Variants in HLA-DQA1 observed in about 807,000 individuals in gnomAD.
HLA-DQA1 encodes HLA class II histocompatibility antigen, DQ alpha 1 chain.
HLA-DQA1 carries 10 observed loss-of-function variants against 20.7 expected under a neutral mutation model. The observed-to-expected ratio is 0.48, with a 90% CI of 0.30 to 0.82. HLA-DQA1 has a LOEUF of 0.82. Among genes scored for constraint, HLA-DQA1 ranks in the 40% least tolerant of loss-of-function variants. The pLI, the probability that HLA-DQA1 is intolerant of heterozygous loss-of-function variation, is 0.07. For synonymous variants in HLA-DQA1, 39 were observed against 109.2 expected, an observed-to-expected ratio of 0.36 and a Z score of 4.01; for missense variants, 127 against 293.0, an observed-to-expected ratio of 0.43 and a Z score of 4.14.
downstream of HLA-DQA1, chr6:32,646,356 G>A (rs961922465): frequency 1.4e-5 from 2 of 145,798 alleles, no homozygotes; most frequent in African/African-American, 5.1e-5. Flanking sequence ...GAAGCCAGGA[G>A]TTCAACAGCT....
At chr6:32,653,988 G>C in the HLA-DQA1 span, among the ~76,000 whole-genome samples, 1 of 104,264 alleles carries the variant, frequency 9.6e-6, no homozygotes, top group East Asian at 2.9e-4. Flanking sequence ...AGGGCGACAA[G>C]GAGGAATGAG....
chr6:32,645,868 G>A (rs1489969111), downstream of HLA-DQA1: 5 of 90,988 alleles, frequency 5.5e-5, 1 homozygote, highest in Non-Finnish European at 1.2e-4. Context: ...TTGTGTGTGT[G>A]TGTGTGTGTG....
downstream of HLA-DQA1, among the ~76,000 whole-genome samples, chr6:32,647,589 G>A (rs17612555): frequency 0.57 from 83,990 of 148,482 alleles, 24,366 homozygotes; most frequent in Middle Eastern, 0.7. Flanking sequence ...AGGCAGAGAA[G>A]CATTCTGTTT....
downstream of HLA-DQA1, among the ~76,000 whole-genome samples, chr6:32,648,196 A>G (rs143370305): frequency 1.0e-4 from 10 of 97,512 alleles, 3 homozygotes; most frequent in East Asian, 3.4e-3. Flanking sequence ...ATGAGAATTT[A>G]ATAACATGAA....
the HLA-DQA1 span, among the ~76,000 whole-genome samples, chr6:32,654,517 A>G: frequency 5.0e-5 from 5 of 99,300 alleles, no homozygotes; most frequent in Non-Finnish European, 9.1e-5. Context: ...ATCCTCCCAT[A>G]TACTTTAAGC....
intron 1 of HLA-DQA1, chr6:32,639,189 G>T: frequency 5.3e-6 from 1 of 190,022 alleles, no homozygotes; most frequent in Non-Finnish European, 1.1e-5. Flanking sequence ...GCACAATGTG[G>T]GCAGTGCAGG....
downstream of HLA-DQA1, among the ~76,000 whole-genome samples, chr6:32,651,711 A>G (rs1782197798): frequency 1.1e-5 from 1 of 94,982 alleles, no homozygotes. Context: ...AGATGAAGGG[A>G]GAAAATTATC....
downstream of HLA-DQA1, chr6:32,644,202 C>G (rs529945607): frequency 7.2e-6 from 1 of 139,484 alleles, no homozygotes; most frequent in African/African-American, 2.5e-5. Context: ...AGGAGAAACT[C>G]TCACAGAGGA....
At chr6:32,638,723 G>GGA (rs539852725) in intron 1 of HLA-DQA1, among the ~76,000 whole-genome samples, 6,963 of 70,474 alleles carry the variant, frequency 0.099, 1,576 homozygotes, top group Admixed American at 0.13. Context: ...GGAAGGAGAA[G>GGA]GAAGGAAGGA....
chr6:32,645,986 G>A (rs1179101633), downstream of HLA-DQA1: 2 of 105,426 alleles, frequency 1.9e-5, 1 homozygote, highest in Non-Finnish European at 4.2e-5. Context: ...AAGCAGCACT[G>A]TGGAAAGCAA....
At chr6:32,650,739 T>C (rs1782145713), downstream of HLA-DQA1, among the ~76,000 whole-genome samples, 4 of 91,006 alleles carry the variant, frequency 4.4e-5, 2 homozygotes, top group South Asian at 6.8e-4. Flanking sequence ...TTAGGAGAAA[T>C]ACCTAATGTA....
chr6:32,638,367 A>G lies in HLA-DQA1; in HGVS notation c.82+827A>G, dbSNP rs9272496. Among the ~76,000 whole-genome samples, 935 of 108,358 alleles carry G rather than the reference A, an allele frequency of 8.6e-3. 8 individuals carry two copies. Among genetic ancestry groups the G allele is most frequent in the Middle Eastern group, 0.013 (2 of 156 alleles). 71.1% of individuals were successfully genotyped at this position (108,358 alleles called of 152,430 possible). ...TTACCTGTTCTTCACCTCATCTAAT[A>G]AAGTCCTATAAAAAGAAAAGTGGGC... is the stretch of plus-strand genomic sequence containing the variant. On this transcript the variant is annotated intron_variant, in intron 1 of 4. Transcript: ENST00000343139.
At chr6:32,654,999 C>T in the HLA-DQA1 span, among the ~76,000 whole-genome samples, 11 of 31,178 alleles carry the variant, frequency 3.5e-4, 4 homozygotes, top group African/African-American at 1.1e-3. Context: ...CACCAATGCA[C>T]TCCAGTCTAA....
At chr6:32,642,834 A>G (rs9272810) in intron 4 of HLA-DQA1, 50 bp downstream of exon 4, 1 of 1,009,438 alleles carries the variant, frequency 9.9e-7, no homozygotes, top group Non-Finnish European at 1.4e-6. Flanking sequence ...AAGGAAGGAA[A>G]GTGGGAGGGC....
At chr6:32,643,982 T>G (rs36214159), downstream of HLA-DQA1, 10,714 of 143,162 alleles carry the variant, frequency 0.075, 529 homozygotes, top group South Asian at 0.21. Flanking sequence ...TGTGCCACTC[T>G]GGCATGAAGG....
At chr6:32,651,707 A>G (rs1469396402), downstream of HLA-DQA1, among the ~76,000 whole-genome samples, 2 of 94,814 alleles carry the variant, frequency 2.1e-5, 1 homozygote, top group Non-Finnish European at 4.7e-5. Context: ...GAGAAGATGA[A>G]GGGAGAAAAT....
At position 32,641,443 on chromosome 6, in the gene HLA-DQA1, TGA is replaced by T. The variant is rs760671632; in HGVS notation, c.218_219del (p.Glu73ValfsTer8). The T allele has an allele frequency of 0.016, 15,864 of 1,011,872 alleles. 5,481 individuals are homozygous for T. Among genetic ancestry groups the T allele is most frequent in the Admixed American group, 0.055 (1,479 of 26,654 alleles). The allele number at this position is 1,011,872 out of a possible 1,614,324, so 62.7% of individuals were successfully genotyped here. ...GGAAGGAGACTGCCTGGCGGTGGCC[TGA>T]GTTCAGCAAATTTGGAGGTTTTGAC... The part of the protein sequence containing the change: ...ERKETAWRWP[E>X]FSKFGGFDPQ... On this transcript the variant is annotated frameshift_variant, in exon 2 of 5. Coordinates refer to ENST00000343139, the MANE Select transcript of HLA-DQA1 (RefSeq NM_002122.5). LOFTEE classifies it high-confidence loss of function.
downstream of HLA-DQA1, among the ~76,000 whole-genome samples, chr6:32,650,032 A>G (rs28798705): frequency 0.66 from 62,037 of 93,590 alleles, 27,921 homozygotes; most frequent in South Asian, 0.84. Flanking sequence ...CAAAAGGTGG[A>G]CAAAGGATGT....
the HLA-DQA1 span, among the ~76,000 whole-genome samples, chr6:32,654,349 T>G: frequency 8.6e-6 from 1 of 115,868 alleles, no homozygotes; most frequent in African/African-American, 3.0e-5. Context: ...GTACTGGAGA[T>G]CGACTGTACA....
Sources: gnomAD v4.1 joint callset for allele counts (sites outside exome capture counted in the v4.1 genomes callset) on GRCh38, gnomAD v4.1.1 for gene constraint, MANE v1.5 for transcripts, NCBI Gene and HGNC (gene_info 2026-07-23, HGNC 2026-07-21) for gene names.